Variants in KIF26B observed in about 807,000 individuals in gnomAD.
KIF26B encodes the protein kinesin family member 26B.
A neutral mutation model predicts 151.2 loss-of-function variants in KIF26B; 63 were observed. The ratio of observed to expected loss-of-function variants is 0.42; its 90% confidence interval spans 0.34 to 0.51. The LOEUF (loss-of-function observed/expected upper bound fraction) is 0.51, where lower values mean the gene tolerates loss of function less well. Ranked by LOEUF, KIF26B falls within the 20% of genes least tolerant of loss-of-function variation. The pLI is 0.07. For synonymous variants in KIF26B, 1,357 were observed against 1,262.1 expected, an observed-to-expected ratio of 1.08 and a Z score of -1.59; for missense variants, 2,813 against 2,913.6, an observed-to-expected ratio of 0.97 and a Z score of 0.79.
intron 9 of KIF26B, among the ~76,000 whole-genome samples, chr1:245,622,877 G>C (rs1259536427): frequency 6.6e-6 from 1 of 152,100 alleles, no homozygotes. Flanking sequence ...CGCCTCTCTG[G>C]AAGAGTGGGG....
At chr1:245,675,037 A>G (rs2044341750) in intron 10 of KIF26B, among the ~76,000 whole-genome samples, 1 of 152,200 alleles carries the variant, frequency 6.6e-6, no homozygotes, top group Non-Finnish European at 1.5e-5. Flanking sequence ...GAATTCACGG[A>G]AAATACTCAT....
chr1:245,613,923 A>T (rs1384098985), intron 9 of KIF26B, among the ~76,000 whole-genome samples: 1 of 152,168 alleles, frequency 6.6e-6, no homozygotes, highest in African/African-American at 2.4e-5. Context: ...AATAGAGCAT[A>T]AGGCTAAAGT....
At chr1:245,600,540 A>G (rs970782371) in intron 5 of KIF26B, among the ~76,000 whole-genome samples, 1 of 151,074 alleles carries the variant, frequency 6.6e-6, no homozygotes, top group Admixed American at 6.6e-5. Flanking sequence ...GGCTCTCACC[A>G]TGTTGCCCAG....
intron 4 of KIF26B, among the ~76,000 whole-genome samples, chr1:245,496,428 A>G (rs768693730): frequency 1.3e-5 from 2 of 152,186 alleles, no homozygotes; most frequent in African/African-American, 2.4e-5. Context: ...AAACAATACA[A>G]AAAGTGAAAG....
At chr1:245,446,719 C>T (rs998949925) in intron 4 of KIF26B, among the ~76,000 whole-genome samples, 6 of 152,316 alleles carry the variant, frequency 3.9e-5, no homozygotes, top group African/African-American at 1.2e-4. Flanking sequence ...CTTATGTGAG[C>T]TCTTCATCTC....
rs149824767 is a variant in KIF26B at position 245,302,520 on chromosome 1, T to C, written c.466-64314T>C. The stretch of plus-strand genomic sequence containing the variant: ...GATGGGTGGTTCCTGGATAGAGTGT[T>C]GAAGGCAGTGGTGCCATCAATTCAG... On this transcript the variant is annotated intron_variant, in intron 2 of 14. Transcript: ENST00000407071. Among the ~76,000 whole-genome samples, 33 of 152,266 alleles carry C rather than the reference T, an allele frequency of 2.2e-4. No individual in the cohort carries two copies. The East Asian group carries it at 5.0e-3, about 23-fold the overall frequency.
intron 2 of KIF26B, among the ~76,000 whole-genome samples, chr1:245,341,303 GTT>G (rs34249209): frequency 5.2e-4 from 43 of 82,516 alleles, no homozygotes; most frequent in South Asian, 1.2e-3. Flanking sequence ...AAAAGATGCA[GTT>G]TTTTTTTTTT....
chr1:245,175,951 T>C (rs956699766), intron 2 of KIF26B, among the ~76,000 whole-genome samples: 8 of 147,246 alleles, frequency 5.4e-5, no homozygotes, highest in Middle Eastern at 3.6e-3. Context: ...TATATATAGA[T>C]ATCTATATCT....
chr1:245,607,836 A>G, intron 7 of KIF26B, 92 bp downstream of exon 7: 1 of 974,134 alleles, frequency 1.0e-6, no homozygotes, highest in African/African-American at 1.6e-5. Flanking sequence ...CTCTGATGAC[A>G]GGAAGGGCTG....
rs552371228 is a variant in KIF26B at position 245,686,731 on chromosome 1, G to C, written c.3748G>C (p.Glu1250Gln). The C allele has an allele frequency of 1.2e-6, 2 of 1,613,538 alleles. No homozygotes were observed. The highest frequency in any genetic ancestry group is 2.2e-5 in the South Asian group (2 of 91,020). Residue 1250 changes from glutamate (E) to glutamine (Q), a missense_variant, in exon 12 of 15, where the codon GAG (glutamate) becomes CAG (glutamine). Coordinates refer to ENST00000407071, the MANE Select transcript of KIF26B (RefSeq NM_018012.4). This position sits in a 1 kb window ranked among gnomAD's most constrained non-coding sequence, Gnocchi z 5.6. The stretch of plus-strand genomic sequence containing the variant: ...CTACTCCAGCACGGCCCCCGTCTCC[G>C]AGGTCAGCATCACACAGTTCTTGCC... ...ECYSSTAPVSEVSITQFLPLP... is the reference protein window; with the variant it reads ...ECYSSTAPVSQVSITQFLPLP...
intron 4 of KIF26B, among the ~76,000 whole-genome samples, chr1:245,458,961 G>T (rs556963271): frequency 6.6e-6 from 1 of 152,190 alleles, no homozygotes; most frequent in Non-Finnish European, 1.5e-5. Flanking sequence ...GTTATTACTT[G>T]CATCAATGTT....
At chr1:245,163,210 C>G (rs1398221733) in intron 2 of KIF26B, among the ~76,000 whole-genome samples, 1 of 152,086 alleles carries the variant, frequency 6.6e-6, no homozygotes, top group African/African-American at 2.4e-5. Context: ...GGCACAATCT[C>G]GGCTCACTGC....
In KIF26B at chr1:245,458,000, C is replaced by T. The variant is rs186771371; in HGVS notation, c.1166+38255C>T. The stretch of plus-strand genomic sequence containing the variant: ...AAGTTTTTAAGGTATTATATAAATA[C>T]CTGCATTTCCCCCAAGGACATTTTA... On this transcript the variant is annotated intron_variant, in intron 4 of 14. Coordinates refer to ENST00000407071, the MANE Select transcript of KIF26B (RefSeq NM_018012.4). 1.8e-3 allele frequency among the ~76,000 whole-genome samples: 270 copies of T among 152,244 alleles called. 1 individual carries two copies. Among genetic ancestry groups the T allele is most frequent in the East Asian group, 3.9e-3 (20 of 5,180 alleles).
intron 12 of KIF26B, among the ~76,000 whole-genome samples, chr1:245,692,788 A>G (rs1011737099): frequency 6.6e-6 from 1 of 152,204 alleles, no homozygotes; most frequent in African/African-American, 2.4e-5. Flanking sequence ...ATAAGGTGAG[A>G]GAAATGATGT....
intron 10 of KIF26B, among the ~76,000 whole-genome samples, chr1:245,664,180 C>T (rs1179360093): frequency 3.3e-5 from 5 of 151,716 alleles, no homozygotes; most frequent in Non-Finnish European, 7.4e-5. Context: ...ACCAGCCTGA[C>T]CAACATGGAG....
chr1:245,436,810 T>C (rs1039853453), intron 4 of KIF26B, among the ~76,000 whole-genome samples: 1 of 152,138 alleles, frequency 6.6e-6, no homozygotes, highest in Non-Finnish European at 1.5e-5. Context: ...AACTTGTATT[T>C]AGTGCAATTT....
intron 2 of KIF26B, among the ~76,000 whole-genome samples, chr1:245,236,261 A>T (rs1347972497): frequency 6.6e-6 from 1 of 152,122 alleles, no homozygotes; most frequent in Non-Finnish European, 1.5e-5. Flanking sequence ...GTATACAGGT[A>T]AGAAAGTTAA....
intron 2 of KIF26B, among the ~76,000 whole-genome samples, chr1:245,185,070 G>A (rs1376863471): frequency 6.6e-6 from 1 of 151,892 alleles, no homozygotes; most frequent in Non-Finnish European, 1.5e-5. Flanking sequence ...CTGGGATTAT[G>A]CTAATCATTC....
chr1:245,450,131 C>T (rs1390965119), intron 4 of KIF26B, among the ~76,000 whole-genome samples: 2 of 152,156 alleles, frequency 1.3e-5, no homozygotes, highest in Non-Finnish European at 2.9e-5. Context: ...TGCTTGTTCT[C>T]TTTCCGTTGG....
Sources: allele counts gnomAD v4.1 joint callset (sites outside exome capture counted in the v4.1 genomes callset), GRCh38; gene constraint gnomAD v4.1.1; non-coding constraint Gnocchi (gnomAD v3.1); transcripts MANE v1.5; gene names NCBI Gene and HGNC (gene_info 2026-07-23, HGNC 2026-07-21).